The following RTF1 variants were observed in gnomAD, a reference collection of about 807,000 sequenced individuals.
RTF1 encodes the protein RTF1 homolog, Paf1/RNA polymerase II complex component, also known as RNA polymerase-associated protein RTF1 homolog.
RTF1 carries 10 observed loss-of-function variants against 95.7 expected under a neutral mutation model. That is an observed-to-expected ratio of 0.10 (90% confidence interval 0.06 to 0.18). RTF1 has a LOEUF of 0.18. Among genes scored for constraint, RTF1 ranks in the 10% least tolerant of loss-of-function variants. RTF1 has a pLI of 1.00. For synonymous variants in RTF1, 305 were observed against 311.8 expected (o/e 0.98, Z 0.23); for missense variants, 458 against 875.6 (o/e 0.52, Z 6.02).
chr15:41,435,803 G>T (rs1442253232), intron 1 of RTF1, among the ~76,000 whole-genome samples: 1 of 152,110 alleles, frequency 6.6e-6, no homozygotes, highest in Non-Finnish European at 1.5e-5. Context: ...ATCCATAATT[G>T]TATAGCACCA....
chr15:41,438,283 G>A (rs1346969864), intron 1 of RTF1, 38 bp from the exon 2 acceptor site: 1 of 1,380,888 alleles, frequency 7.2e-7, no homozygotes, highest in South Asian at 1.3e-5. Context: ...TTCTTTCTCT[G>A]TTGAACAAAA....
intron 1 of RTF1, among the ~76,000 whole-genome samples, chr15:41,423,456 C>T (rs776272259): frequency 5.5e-4 from 84 of 151,960 alleles, no homozygotes; most frequent in Admixed American, 1.4e-3. Context: ...CTGTAGCCTC[C>T]GCCTCTAGGT....
chr15:41,426,056 G>C (rs924160970), intron 1 of RTF1, among the ~76,000 whole-genome samples: 1 of 152,052 alleles, frequency 6.6e-6, no homozygotes, highest in Non-Finnish European at 1.5e-5. Flanking sequence ...GCTGAGGTGG[G>C]AGGATTGCTT....
At chr15:41,446,999 C>T (rs148321217) in intron 2 of RTF1, among the ~76,000 whole-genome samples, 78 of 152,176 alleles carry the variant, frequency 5.1e-4, no homozygotes, top group African/African-American at 1.8e-3. Flanking sequence ...GTCAGGGTTT[C>T]ACCATGTTGG....
intron 2 of RTF1, among the ~76,000 whole-genome samples, chr15:41,449,227 A>ATTTTTTTTTTT (rs34660598): frequency 1.3e-4 from 14 of 109,294 alleles, no homozygotes; most frequent in African/African-American, 4.9e-4. Context: ...AGGCAGGTGA[A>ATTTTTTTTTTT]TTTTTTTTTT....
intron 1 of RTF1, among the ~76,000 whole-genome samples, chr15:41,430,239 C>T (rs987578196): frequency 3.4e-5 from 5 of 146,838 alleles, no homozygotes; most frequent in African/African-American, 1.3e-4. Flanking sequence ...TGCAGTGGCG[C>T]GATCTCGGCT....
At chr15:41,477,647 G>C in intron 14 of RTF1, 132 bp downstream of exon 14, 3 of 731,940 alleles carry the variant, frequency 4.1e-6, no homozygotes, top group African/African-American at 1.8e-5. Flanking sequence ...CACTCTCTCT[G>C]TATGTCCACG....
intron 2 of RTF1, among the ~76,000 whole-genome samples, chr15:41,438,967 CTTTT>C (rs538080651): frequency 3.0e-5 from 4 of 133,162 alleles, no homozygotes; most frequent in Non-Finnish European, 6.5e-5. Flanking sequence ...CATTCTGTAG[CTTTT>C]TTTTTTTTTT....
At chr15:41,439,242 G>C (rs1160059628) in intron 2 of RTF1, among the ~76,000 whole-genome samples, 1 of 151,666 alleles carries the variant, frequency 6.6e-6, no homozygotes, top group Non-Finnish European at 1.5e-5. Context: ...CACTGTGTTA[G>C]CCAGGGTGGT....
intron 2 of RTF1, among the ~76,000 whole-genome samples, chr15:41,441,223 G>A (rs1314605996): frequency 6.6e-6 from 1 of 151,788 alleles, no homozygotes; most frequent in Non-Finnish European, 1.5e-5. Context: ...CGCCCGCCTC[G>A]GCCTCCCAAA....
intron 1 of RTF1, among the ~76,000 whole-genome samples, chr15:41,422,605 A>G (rs981950220): frequency 2.6e-5 from 4 of 152,148 alleles, no homozygotes. Flanking sequence ...ATTTTACTCT[A>G]CCTTTCTAAA....
In RTF1 at chr15:41,482,762, G is replaced by A. The variant is rs1170705312; in HGVS notation, c.*2075G>A. The A allele has an allele frequency of 6.6e-6, 1 of 152,476 alleles. No homozygotes were observed. The highest frequency in any genetic ancestry group is 1.5e-5 in the Non-Finnish European group (1 of 68,010). The allele number at this position is 152,476 out of a possible 1,614,324, so 9.4% of individuals were successfully genotyped here. A position where few individuals can be genotyped will look rare whatever the true frequency, so the allele number is the denominator to read the frequency against. The stretch of plus-strand genomic sequence containing the variant: ...AATCACAGACTGTTAACATTGCCTG[G>A]ACTTCAGCAGAGTCCTGGAGCTGCT... On this transcript the variant is annotated 3_prime_UTR_variant, in exon 18 of 18. Coordinates refer to ENST00000389629, the MANE Select transcript of RTF1 (RefSeq NM_015138.5).
intron 6 of RTF1, among the ~76,000 whole-genome samples, chr15:41,468,134 C>G (rs529100924): frequency 1.4e-4 from 22 of 152,114 alleles, no homozygotes; most frequent in African/African-American, 5.3e-4. Context: ...CCATTGCACT[C>G]CAGCCTGGGC....
intron 1 of RTF1, among the ~76,000 whole-genome samples, chr15:41,418,784 C>CAAAAAAAAA (rs753790136): frequency 3.8e-5 from 2 of 52,622 alleles, no homozygotes; most frequent in Non-Finnish European, 8.7e-5. Context: ...AACTCCATCA[C>CAAAAAAAAA]AAAAAAAAAA....
chr15:41,426,895 G>A (rs1432234268), intron 1 of RTF1, among the ~76,000 whole-genome samples: 2 of 149,410 alleles, frequency 1.3e-5, no homozygotes, highest in African/African-American at 2.5e-5. Context: ...AGGCTGGAGC[G>A]CAATGGTGTG....
intron 9 of RTF1, 99 bp downstream of exon 9, chr15:41,474,801 A>T: frequency 2.3e-6 from 2 of 875,186 alleles, no homozygotes; most frequent in Non-Finnish European, 3.9e-6. Context: ...GTTACCATGA[A>T]CGCTATGTAT....
chr15:41,467,604 C>T (rs1431265373), intron 6 of RTF1, among the ~76,000 whole-genome samples: 5 of 151,686 alleles, frequency 3.3e-5, no homozygotes, highest in African/African-American at 1.2e-4. Context: ...AATCCCAGCT[C>T]CTCAGGAGGC....
intron 15 of RTF1, 136 bp from the exon 16 acceptor site, chr15:41,478,967 T>G: frequency 1.6e-6 from 1 of 610,468 alleles, no homozygotes; most frequent in Non-Finnish European, 2.9e-6. Context: ...TTTTTGCTGC[T>G]TTGAGGAAAA....
At chr15:41,457,294 G>A (rs192045718) in intron 3 of RTF1, among the ~76,000 whole-genome samples, 1 of 152,190 alleles carries the variant, frequency 6.6e-6, no homozygotes, top group Non-Finnish European at 1.5e-5. Flanking sequence ...CCAGCACTGG[G>A]AGGCCGAGGT....
Sources: gnomAD v4.1 joint callset for allele counts (sites outside exome capture counted in the v4.1 genomes callset) on GRCh38, gnomAD v4.1.1 for gene constraint, MANE v1.5 for transcripts, NCBI Gene and HGNC (gene_info 2026-07-23, HGNC 2026-07-21) for gene names.